Variants in KIAA0930 observed in about 807,000 individuals in gnomAD.
KIAA0930 encodes KIAA0930.
Under a neutral mutation model 43.9 loss-of-function variants are expected in KIAA0930, and 24 were observed. The ratio of observed to expected loss-of-function variants is 0.55; its 90% confidence interval spans 0.40 to 0.77. KIAA0930 has a LOEUF of 0.77. Among genes scored for constraint, KIAA0930 ranks in the 30% least tolerant of loss-of-function variants. The probability of loss-of-function intolerance (pLI) is 0.00; values close to 1 mark genes in which losing one functional copy is unlikely to be tolerated. For missense variants in KIAA0930, 461 were observed against 574.2 expected (o/e 0.80, Z 2.02); for synonymous variants, 259 against 216.4 (o/e 1.20, Z -1.73).
chr22:45,197,959 G>A lies in KIAA0930; in HGVS notation c.1016-11C>T. 3.7e-6 allele frequency: 6 copies of A among 1,613,580 alleles called. No individual in the cohort carries two copies. The highest frequency in any genetic ancestry group is 5.1e-6 in the Non-Finnish European group (6 of 1,179,686). On this transcript the variant is annotated splice_polypyrimidine_tract_variant and intron_variant, in intron 8 of 9. Transcript: ENST00000336156. ...CATTGTGCAGATCGGCTGGAGGAAA[G>A]AAGGCCAGGTCAAGGCCCCCACAGC...
chr22:45,226,329 TG>T (rs1467241755), intron 1 of KIAA0930: 2 of 470,982 alleles, frequency 4.2e-6, no homozygotes, highest in Non-Finnish European at 8.8e-6. Context: ...CTCGTGGGGT[TG>T]GGCTTCGTAT....
intron 1 of KIAA0930, chr22:45,213,434 T>C: frequency 7.7e-7 from 1 of 1,291,176 alleles, no homozygotes; most frequent in African/African-American, 1.5e-5. Flanking sequence ...CCTCCAGGGG[T>C]GAGGGCCAGG....
At chr22:45,221,838 G>A (rs1056340708) in intron 1 of KIAA0930, among the ~76,000 whole-genome samples, 1 of 152,256 alleles carries the variant, frequency 6.6e-6, no homozygotes, top group South Asian at 2.1e-4. Context: ...AGGTTCAAGC[G>A]ATTCTCCTGC....
intron 1 of KIAA0930, among the ~76,000 whole-genome samples, chr22:45,240,035 T>TCA (rs1247179978): frequency 6.6e-6 from 1 of 151,492 alleles, no homozygotes; most frequent in East Asian, 2.0e-4. Flanking sequence ...AAGCCCAGAA[T>TCA]CACACCGAGA....
intron 1 of KIAA0930, among the ~76,000 whole-genome samples, chr22:45,237,247 A>G (rs1183646644): frequency 6.6e-6 from 1 of 152,220 alleles, no homozygotes; most frequent in African/African-American, 2.4e-5. Flanking sequence ...GGGCAGCCGC[A>G]GCCCCACTGC....
chr22:45,223,836 A>G (rs1468388119), intron 1 of KIAA0930, among the ~76,000 whole-genome samples: 3 of 133,356 alleles, frequency 2.2e-5, no homozygotes, highest in African/African-American at 8.6e-5. Flanking sequence ...AGCACCCAGG[A>G]TCAGCACCAG....
At chr22:45,202,837 G>A (rs944552237) in intron 7 of KIAA0930, 153 bp downstream of exon 7, 1 of 605,914 alleles carries the variant, frequency 1.7e-6, no homozygotes, top group Non-Finnish European at 2.8e-6. Context: ...AGGGCTGGGT[G>A]GTCCGGGCCT....
chr22:45,217,458 G>A (rs1444144278), intron 1 of KIAA0930, among the ~76,000 whole-genome samples: 1 of 148,708 alleles, frequency 6.7e-6, no homozygotes, highest in Admixed American at 6.7e-5. Flanking sequence ...AATGTTGAAC[G>A]AAGCTTCTCT....
chr22:45,206,623 T>G (rs1024916250), intron 2 of KIAA0930, among the ~76,000 whole-genome samples: 1 of 152,136 alleles, frequency 6.6e-6, no homozygotes, highest in Non-Finnish European at 1.5e-5. Context: ...AGAGTCAAAT[T>G]TACTGAAGAT....
In KIAA0930 at chr22:45,203,989, G is replaced by C; in HGVS notation, c.517-4C>G. The C allele has an allele frequency of 6.2e-7, 1 of 1,613,902 alleles. No individual in the cohort carries two copies. The highest frequency in any genetic ancestry group is 1.1e-5 in the South Asian group (1 of 91,066). On this transcript the variant is annotated splice_region_variant and splice_polypyrimidine_tract_variant and intron_variant, in intron 5 of 9. Transcript: ENST00000336156. ...CTACGGTCATGTCGCTGAACACCTG[G>C]GCCAGGACACAAAGAGACAGGGACG...
chr22:45,201,139 G>A (rs1005913582), intron 7 of KIAA0930: 23 of 435,450 alleles, frequency 5.3e-5, no homozygotes, highest in South Asian at 2.5e-4. Flanking sequence ...GGCTCCAGAC[G>A]GTGTTCCCAC....
rs1459765988 is a variant in KIAA0930, at chr22:45,196,021, A to T, written c.*1155T>A. The T allele has an allele frequency of 6.6e-6, 1 of 152,128 alleles. No homozygotes were observed. Among genetic ancestry groups the T allele is most frequent in the African/African-American group, 2.4e-5 (1 of 41,366 alleles). 9.4% of individuals were successfully genotyped at this position (152,128 alleles called of 1,614,324 possible). ...ATATTCCTGGGAACTTCAAACAAAAAAACATAGCAACAAAGAGACCCAGCT... is the reference window on the plus strand; with the variant it reads ...ATATTCCTGGGAACTTCAAACAAAATAACATAGCAACAAAGAGACCCAGCT... On this transcript the variant is annotated 3_prime_UTR_variant, in exon 10 of 10. Transcript: ENST00000336156. The surrounding 1 kb of genome is among the most constrained non-coding windows in gnomAD (Gnocchi z 4.1).
rs547252259 is a variant in KIAA0930 at position 45,239,842 on chromosome 22, G to T, written c.64+798C>A. 2.6e-5 allele frequency among the ~76,000 whole-genome samples: 4 copies of T among 152,202 alleles called. No homozygotes were observed. In the South Asian group the frequency reaches 8.3e-4, roughly 32 times the overall value. On this transcript the variant is annotated intron_variant, in intron 1 of 9. Transcript: ENST00000336156. Reference sequence around the variant, plus strand: ...CGGAGGAGGGAGGGGTCTTTTCCATGGAGAAAATGACGAACCTGAGACGAC... The same window carrying T: ...CGGAGGAGGGAGGGGTCTTTTCCATTGAGAAAATGACGAACCTGAGACGAC...
rs750533454 is a variant in KIAA0930 at position 45,203,851 on chromosome 22, G to A, written c.651C>T (p.Asp217=). ...IRYEALKKVY[D]NRVSVAARMA... is the part of the protein sequence containing the mutation. ...GAGGCCGCCCCGCACTCACCCGGTTGTCATACACCTTCTTGAGCGCCTCGT... is the reference window on the plus strand; with the variant it reads ...GAGGCCGCCCCGCACTCACCCGGTTATCATACACCTTCTTGAGCGCCTCGT... The change falls in exon 6 of 10, where the codon GAC becomes GAT. Residue 217 remains aspartate, a synonymous_variant. Coordinates refer to ENST00000336156, the MANE Select transcript of KIAA0930 (RefSeq NM_001009880.2). 2 of 1,613,944 alleles carry A rather than the reference G, an allele frequency of 1.2e-6. No individual in the cohort carries two copies. The highest frequency in any genetic ancestry group is 1.7e-5 in the Admixed American group (1 of 60,002).
At chr22:45,215,039 G>A (rs1250393516) in intron 1 of KIAA0930, among the ~76,000 whole-genome samples, 1 of 152,182 alleles carries the variant, frequency 6.6e-6, no homozygotes, top group Non-Finnish European at 1.5e-5. Flanking sequence ...GCAACATGGT[G>A]AAACCCCATG....
chr22:45,202,819 CAA>C (rs1225976735), intron 7 of KIAA0930, 169 bp downstream of exon 7: 6 of 563,140 alleles, frequency 1.1e-5, no homozygotes, highest in African/African-American at 3.9e-5. Flanking sequence ...AACCGCTAGG[CAA>C]AGAGAAGGGC....
chr22:45,225,922 G>C (rs1192893723), intron 1 of KIAA0930, among the ~76,000 whole-genome samples: 1 of 152,244 alleles, frequency 6.6e-6, no homozygotes, highest in Non-Finnish European at 1.5e-5. Context: ...AGGCCTGTCA[G>C]GGCCAGGCCA....
intron 1 of KIAA0930, among the ~76,000 whole-genome samples, chr22:45,218,324 A>C (rs1010752995): frequency 8.5e-6 from 1 of 117,146 alleles, no homozygotes; most frequent in African/African-American, 3.3e-5. Context: ...CACCCAGCTA[A>C]TTTTTTTGAT....
At chr22:45,198,478 G>A (rs759954133) in intron 8 of KIAA0930, among the ~76,000 whole-genome samples, 1 of 152,212 alleles carries the variant, frequency 6.6e-6, no homozygotes, top group Non-Finnish European at 1.5e-5. Context: ...AGAGCAGGTC[G>A]AGGCCAGTGC....
Sources: allele counts gnomAD v4.1 joint callset (sites outside exome capture counted in the v4.1 genomes callset), GRCh38; gene constraint gnomAD v4.1.1; non-coding constraint Gnocchi (gnomAD v3.1); transcripts MANE v1.5; gene names NCBI Gene and HGNC (gene_info 2026-07-23, HGNC 2026-07-21).